Variants in RPA3 observed in about 807,000 individuals in gnomAD.
RPA3 encodes replication protein A 14 kDa subunit.
In RPA3, 24 loss-of-function variants were observed where a neutral mutation model predicts 13.7. That is an observed-to-expected ratio of 1.75 (90% confidence interval 1.27 to 2.46). RPA3 has a LOEUF of 2.46. Ranked by LOEUF, RPA3 falls within the 30% of genes most tolerant of loss-of-function variation. The probability of loss-of-function intolerance (pLI) is 0.00; values close to 1 mark genes in which losing one functional copy is unlikely to be tolerated. For synonymous variants in RPA3, 59 were observed against 51.2 expected (o/e 1.15, Z -0.65); for missense variants, 183 against 151.0 (o/e 1.21, Z -1.11).
At chr7:7,687,073 C>G (rs1446591301) in intron 3 of RPA3, among the ~76,000 whole-genome samples, 155 bp downstream of exon 3, 2 of 152,178 alleles carry the variant, frequency 1.3e-5, no homozygotes, top group African/African-American at 4.8e-5. Context: ...ATGTGAGACA[C>G]AAAGTTCTGT....
intron 4 of RPA3, among the ~76,000 whole-genome samples, chr7:7,670,802 A>T (rs1157041006): frequency 6.6e-6 from 1 of 152,234 alleles, no homozygotes; most frequent in Admixed American, 6.5e-5. Context: ...ACAAAGGCGA[A>T]CAAAGGGAGA....
At chr7:7,645,431 A>G (rs1308928957) in intron 4 of RPA3, among the ~76,000 whole-genome samples, 2 of 152,200 alleles carry the variant, frequency 1.3e-5, no homozygotes, top group African/African-American at 4.8e-5. Flanking sequence ...CTGTAGTTCT[A>G]CATTCAATAT....
At chr7:7,699,051 G>GA (rs944011752) in intron 2 of RPA3, among the ~76,000 whole-genome samples, 23 of 69,804 alleles carry the variant, frequency 3.3e-4, no homozygotes, top group African/African-American at 1.3e-3. Flanking sequence ...TGTGTGTGTG[G>GA]GGGGGGGGTA....
rs1286280966 is a variant in RPA3, at chr7:7,639,161, T to C, written c.100-17A>G. On this transcript the variant is annotated splice_polypyrimidine_tract_variant and intron_variant, in intron 5 of 7. Transcript: ENST00000223129. ...GGGATGAATCTAAAAACGAAACATA[T>C]AATTAAAATCTCACTAAAACAACAA... 8.1e-6 allele frequency: 13 copies of C among 1,595,172 alleles called. No individual in the cohort carries two copies.
chr7:7,673,906 T>G (rs968403988), intron 4 of RPA3, among the ~76,000 whole-genome samples: 1 of 152,208 alleles, frequency 6.6e-6, no homozygotes, highest in Non-Finnish European at 1.5e-5. Context: ...TTAAGACTAT[T>G]TTCTATTATA....
chr7:7,667,203 G>T (rs1364466859), intron 4 of RPA3, among the ~76,000 whole-genome samples: 2 of 152,178 alleles, frequency 1.3e-5, no homozygotes, highest in Admixed American at 6.5e-5. Context: ...GCTCAGATAG[G>T]TAAGTTGCCA....
intron 7 of RPA3, 48 bp downstream of exon 7, chr7:7,637,816 T>C (rs1203447779): frequency 1.9e-6 from 2 of 1,073,338 alleles, no homozygotes; most frequent in East Asian, 4.8e-5. Flanking sequence ...TAAAACTGTA[T>C]GTTATGTAAT....
intron 4 of RPA3, chr7:7,641,542 A>T (rs932021729): frequency 6.6e-6 from 1 of 152,180 alleles, no homozygotes; most frequent in Non-Finnish European, 1.5e-5. Context: ...GTTGCCCTCC[A>T]CACTGCGAGA....
intron 2 of RPA3, among the ~76,000 whole-genome samples, chr7:7,709,463 A>G (rs1272738758): frequency 1.3e-5 from 2 of 152,258 alleles, no homozygotes; most frequent in Non-Finnish European, 2.9e-5. Flanking sequence ...GGAGGGCAGA[A>G]TGCTGTAAAA....
At chr7:7,707,052 T>G (rs959536912) in intron 2 of RPA3, among the ~76,000 whole-genome samples, 1 of 152,192 alleles carries the variant, frequency 6.6e-6, no homozygotes, top group Non-Finnish European at 1.5e-5. Flanking sequence ...AGGACACTAA[T>G]TAATTAGCAT....
intron 4 of RPA3, among the ~76,000 whole-genome samples, chr7:7,664,232 A>G (rs1779375219): frequency 6.6e-6 from 1 of 151,996 alleles, no homozygotes; most frequent in East Asian, 1.9e-4. Flanking sequence ...TCATAATACC[A>G]CTTTTCCATA....
chr7:7,702,271 G>A (rs1455894051), intron 2 of RPA3, among the ~76,000 whole-genome samples: 1 of 152,154 alleles, frequency 6.6e-6, no homozygotes, highest in Non-Finnish European at 1.5e-5. Flanking sequence ...TCACAAGTTA[G>A]TAATTATTGA....
At chr7:7,654,083 T>C (rs1226802915) in intron 4 of RPA3, among the ~76,000 whole-genome samples, 1 of 152,218 alleles carries the variant, frequency 6.6e-6, no homozygotes. Context: ...AGTCATTTCT[T>C]ATCACTGCTA....
chr7:7,682,295 A>G (rs1779931763), intron 4 of RPA3, among the ~76,000 whole-genome samples: 1 of 152,202 alleles, frequency 6.6e-6, no homozygotes, highest in Non-Finnish European at 1.5e-5. Flanking sequence ...GAAATATGTA[A>G]TTTAGTCTCA....
intron 2 of RPA3, among the ~76,000 whole-genome samples, chr7:7,695,366 A>T (rs894562604): frequency 1.3e-5 from 2 of 152,250 alleles, no homozygotes; most frequent in Non-Finnish European, 2.9e-5. Flanking sequence ...ATGTTATATT[A>T]GATAAGAAAG....
chr7:7,699,056 G>T (rs569034394), intron 2 of RPA3, among the ~76,000 whole-genome samples: 7 of 151,038 alleles, frequency 4.6e-5, no homozygotes, highest in Admixed American at 6.6e-5. Flanking sequence ...GTGTGGGGGG[G>T]GGGTAGATAC....
intron 2 of RPA3, among the ~76,000 whole-genome samples, chr7:7,693,203 T>C (rs891302160): frequency 6.6e-6 from 1 of 152,156 alleles, no homozygotes; most frequent in African/African-American, 2.4e-5. Flanking sequence ...ATTTTACTAT[T>C]ACTACTGAAA....
At chr7:7,694,180 C>G (rs972441247) in intron 2 of RPA3, among the ~76,000 whole-genome samples, 15 of 152,182 alleles carry the variant, frequency 9.9e-5, no homozygotes, top group African/African-American at 3.1e-4. Context: ...TTCTTTTTCT[C>G]CTCATGACTA....
At chr7:7,679,844 C>G (rs1256264431) in intron 4 of RPA3, among the ~76,000 whole-genome samples, 1 of 151,190 alleles carries the variant, frequency 6.6e-6, no homozygotes, top group Non-Finnish European at 1.5e-5. Context: ...GGATTACAGG[C>G]GTGAGCTGCT....
Sources: allele counts gnomAD v4.1 joint callset (sites outside exome capture counted in the v4.1 genomes callset), GRCh38; gene constraint gnomAD v4.1.1; transcripts MANE v1.5; gene names NCBI Gene and HGNC (gene_info 2026-07-23, HGNC 2026-07-21).